The following RGS20 variants were observed in gnomAD, a reference collection of about 807,000 sequenced individuals.
RGS20 encodes regulator of G protein signaling 20.
A neutral mutation model predicts 33.6 loss-of-function variants in RGS20; 30 were observed. The observed-to-expected ratio is 0.89, with a 90% confidence interval of 0.67 to 1.21. The LOEUF is 1.21. Ranked by LOEUF, RGS20 falls within the 50% of genes most tolerant of loss-of-function variation. RGS20 has a pLI of 0.00. For missense variants in RGS20, 472 were observed against 502.4 expected (o/e 0.94, Z 0.58); for synonymous variants, 208 against 197.9 (o/e 1.05, Z -0.43).
chr8:53,899,252 A>T (rs186866648), intron 2 of RGS20, among the ~76,000 whole-genome samples: 1 of 152,006 alleles, frequency 6.6e-6, no homozygotes, highest in Admixed American at 6.5e-5. Context: ...TCCTTTTCTC[A>T]GGTGTCTCAG....
chr8:53,872,333 T>C (rs571534421), intron 1 of RGS20, among the ~76,000 whole-genome samples: 1 of 152,316 alleles, frequency 6.6e-6, no homozygotes, highest in East Asian at 1.9e-4. Context: ...TAGATGTCTC[T>C]CTTGCTGAAA....
At chr8:53,859,806 C>T (rs575301251) in intron 1 of RGS20, among the ~76,000 whole-genome samples, 14 of 152,262 alleles carry the variant, frequency 9.2e-5, no homozygotes, top group Non-Finnish European at 1.8e-4. Context: ...GGCAAGAAAG[C>T]GTGTGCAGGG....
intron 2 of RGS20, among the ~76,000 whole-genome samples, chr8:53,908,491 T>C (rs1326921744): frequency 6.6e-6 from 1 of 151,978 alleles, no homozygotes; most frequent in Non-Finnish European, 1.5e-5. Flanking sequence ...AATACAAAAA[T>C]TAGCCAGGCA....
chr8:53,906,702 A>T (rs1813190280), intron 2 of RGS20, among the ~76,000 whole-genome samples: 1 of 152,242 alleles, frequency 6.6e-6, no homozygotes, highest in Non-Finnish European at 1.5e-5. Flanking sequence ...TGGGAACCAC[A>T]GTCAGTGGGA....
chr8:53,899,515 A>G (rs1461952182), intron 2 of RGS20, among the ~76,000 whole-genome samples: 5 of 152,214 alleles, frequency 3.3e-5, no homozygotes, highest in Non-Finnish European at 7.3e-5. Context: ...AATTCATTTT[A>G]GAATATTTTC....
intron 2 of RGS20, chr8:53,879,780 C>T (rs1232380522): frequency 2.0e-6 from 1 of 497,598 alleles, no homozygotes; most frequent in Non-Finnish European, 3.4e-6. Context: ...TGGCGGCTCC[C>T]GGGACACCGC....
At chr8:53,875,146 C>A (rs1812171184) in intron 1 of RGS20, among the ~76,000 whole-genome samples, 1 of 152,118 alleles carries the variant, frequency 6.6e-6, no homozygotes, top group African/African-American at 2.4e-5. Flanking sequence ...AAAGCACCAT[C>A]TCCAGCAGGG....
At chr8:53,954,853 A>C (rs1051238258) in intron 5 of RGS20, among the ~76,000 whole-genome samples, 1 of 150,542 alleles carries the variant, frequency 6.6e-6, no homozygotes, top group South Asian at 2.1e-4. Context: ...AGGCCTGGCT[A>C]ATTTTTGTAT....
chr8:53,881,811 G>A (rs1274733416), intron 2 of RGS20, among the ~76,000 whole-genome samples: 2 of 152,150 alleles, frequency 1.3e-5, no homozygotes, highest in East Asian at 1.9e-4. Flanking sequence ...GAACAAACCC[G>A]GGCACTTGAT....
chr8:53,954,435 G>C, intron 5 of RGS20, 125 bp downstream of exon 4: 1 of 621,766 alleles, frequency 1.6e-6, no homozygotes, highest in Non-Finnish European at 2.8e-6. Flanking sequence ...AGGCTGAGGC[G>C]GGCGGATCAC....
intron 2 of RGS20, among the ~76,000 whole-genome samples, chr8:53,920,503 T>C (rs1481025034): frequency 1.3e-5 from 2 of 152,220 alleles, no homozygotes; most frequent in African/African-American, 4.8e-5. Flanking sequence ...TTTACTTCCT[T>C]TTCAATTTGA....
intron 1 of RGS20, among the ~76,000 whole-genome samples, chr8:53,866,503 A>G (rs1811922547): frequency 6.6e-6 from 1 of 151,958 alleles, no homozygotes; most frequent in Non-Finnish European, 1.5e-5. Flanking sequence ...CAGCCTCCCA[A>G]GTAGCTGGGA....
chr8:53,952,738 TAAA>T (rs1226442654), intron 4 of RGS20, among the ~76,000 whole-genome samples: 1 of 151,720 alleles, frequency 6.6e-6, no homozygotes, highest in Non-Finnish European at 1.5e-5. Flanking sequence ...GAAAATAAAA[TAAA>T]GAAATAAAAA....
chr8:53,938,687 A>C (rs1424806720), intron 2 of RGS20, among the ~76,000 whole-genome samples: 2 of 152,228 alleles, frequency 1.3e-5, no homozygotes, highest in Non-Finnish European at 2.9e-5. Flanking sequence ...ATGGTTCTTT[A>C]ATGTGTCCTT....
At chr8:53,888,795 TTTAAACTTCATATGTAA>T (rs1319451881) in intron 2 of RGS20, among the ~76,000 whole-genome samples, 1 of 152,264 alleles carries the variant, frequency 6.6e-6, no homozygotes, top group Non-Finnish European at 1.5e-5. Flanking sequence ...TGTGCCTGCT[TTTAAACTTCATATGTAA>T]TTAAACAGTG....
At chr8:53,897,545 C>T (rs1431385542) in intron 2 of RGS20, among the ~76,000 whole-genome samples, 2 of 152,252 alleles carry the variant, frequency 1.3e-5, no homozygotes, top group African/African-American at 2.4e-5. Context: ...AACCACAATA[C>T]ATTTGTCATA....
chr8:53,866,056 A>AGGGAAATG, intron 1 of RGS20, among the ~76,000 whole-genome samples: 1 of 152,204 alleles, frequency 6.6e-6, no homozygotes, highest in Non-Finnish European at 1.5e-5. Context: ...ATGGCATCTA[A>AGGGAAATG]GCTGAGACTT....
chr8:53,907,630 A>G (rs1789906882), intron 2 of RGS20, among the ~76,000 whole-genome samples: 1 of 152,072 alleles, frequency 6.6e-6, no homozygotes, highest in Non-Finnish European at 1.5e-5. Context: ...ATATTTAAAG[A>G]GTAAGAGAGA....
intron 2 of RGS20, among the ~76,000 whole-genome samples, chr8:53,912,352 ATTT>A (rs58889086): frequency 5.8e-5 from 8 of 137,196 alleles, no homozygotes; most frequent in Non-Finnish European, 6.3e-5. Context: ...GTTAATCTTG[ATTT>A]TTTTTTTTTT....
Sources: allele counts gnomAD v4.1 joint callset (sites outside exome capture counted in the v4.1 genomes callset), GRCh38; gene constraint gnomAD v4.1.1; transcripts MANE v1.5; gene names NCBI Gene and HGNC (gene_info 2026-07-23, HGNC 2026-07-21).